Variants in MROH1 observed in about 807,000 individuals in gnomAD.
The protein encoded by MROH1 is maestro heat-like repeat-containing protein family member 1.
In MROH1, 117 loss-of-function variants were observed where a neutral mutation model predicts 116.5. The ratio of observed to expected loss-of-function variants is 1.00; its 90% confidence interval spans 0.86 to 1.17. The LOEUF (loss-of-function observed/expected upper bound fraction) is 1.17. Among genes scored for constraint, MROH1 ranks in the 50% most tolerant of loss-of-function variants. The probability of loss-of-function intolerance (pLI) is 0.00; values close to 1 mark genes in which losing one functional copy is unlikely to be tolerated. For missense variants in MROH1, 1,873 were observed against 1,338.5 expected, an observed-to-expected ratio of 1.40 and a Z score of -6.23; for synonymous variants, 921 against 583.9, an observed-to-expected ratio of 1.58 and a Z score of -8.32.
chr8:144,210,699 T>A (rs917234399), intron 12 of MROH1, among the ~76,000 whole-genome samples: 3 of 151,442 alleles, frequency 2.0e-5, no homozygotes, highest in African/African-American at 2.4e-5. Flanking sequence ...TCTCTCTCTC[T>A]CTATCTCTCT....
chr8:144,247,304 C>T lies in MROH1; in HGVS notation c.2875C>T (p.Leu959=). 1.3e-6 allele frequency: 1 copy of T among 771,364 alleles called. No individual in the cohort carries two copies. The highest frequency in any genetic ancestry group is 2.4e-6 in the Non-Finnish European group (1 of 416,816). 47.8% of individuals were successfully genotyped at this position (771,364 alleles called of 1,614,324 possible). ...YFLEHLRVSA[L]VPFHNLGLLI... ...GCCCAGGCATCTCCTCCTCCAGGCC[C>T]TGGTGCCCTTCCACAACCTGGGCCT... The change falls in exon 30 of 44, where the codon CTG becomes TTG. Residue 959 remains leucine, a synonymous_variant. Coordinates refer to ENST00000326134, the MANE Select transcript of MROH1 (RefSeq NM_032450.3).
At position 144,175,242 on chromosome 8, in the gene MROH1, G is replaced by T. The variant is rs1031239887; in HGVS notation, c.169-4213G>T. On this transcript the variant is annotated intron_variant, in intron 4 of 43. Coordinates refer to ENST00000326134, the MANE Select transcript of MROH1 (RefSeq NM_032450.3). Reference sequence around the variant, plus strand: ...CACCCAAGCTGCCCCTCCCAGCAGCGGGTCCGGTCGGATGGGTATAAATGC... The same window carrying T: ...CACCCAAGCTGCCCCTCCCAGCAGCTGGTCCGGTCGGATGGGTATAAATGC... 4.8e-6 allele frequency: 4 copies of T among 836,764 alleles called. No homozygotes were observed. The African/African-American group carries it at 7.4e-5, about 15-fold the overall frequency. 51.8% of individuals were successfully genotyped at this position (836,764 alleles called of 1,614,324 possible). A position where few individuals can be genotyped will look rare whatever the true frequency, so the allele number is the denominator to read the frequency against.
At chr8:144,261,515 A>G in intron 43 of MROH1, 140 bp from the exon 44 acceptor site, 1 of 687,954 alleles carries the variant, frequency 1.5e-6, no homozygotes, top group Non-Finnish European at 2.6e-6. Flanking sequence ...AAGAGCTTAA[A>G]AAACACTAAA....
At chr8:144,235,257 T>C (rs11996603) in intron 14 of MROH1, among the ~76,000 whole-genome samples, 9,209 of 152,284 alleles carry the variant, frequency 0.06, 962 homozygotes, top group African/African-American at 0.21. Context: ...CTTATTTTAA[T>C]AGTTTTTATT....
Position 144,161,096 on chromosome 8 carries a change from C to G in MROH1, c.-57+7C>G, listed in dbSNP as rs893709842. ...CCAAGCCAGCAGTTGTGGGGTGAGT[C>G]CTTCTCACGCTTCAAATTTCTCCTC... On this transcript the variant is annotated splice_region_variant and intron_variant, in intron 2 of 43. Coordinates refer to ENST00000326134, the MANE Select transcript of MROH1 (RefSeq NM_032450.3). 1 of 152,668 alleles carries G rather than the reference C, an allele frequency of 6.6e-6. No individual in the cohort carries two copies. Among genetic ancestry groups the G allele is most frequent in the Non-Finnish European group, 1.5e-5 (1 of 68,122 alleles). The allele number at this position is 152,668 out of a possible 1,614,324, so 9.5% of individuals were successfully genotyped here.
chr8:144,250,283 C>T lies in MROH1; in HGVS notation c.3345C>T (p.Ala1115=). 1 of 767,586 alleles carries T rather than the reference C, an allele frequency of 1.3e-6. No homozygotes were observed. The highest frequency in any genetic ancestry group is 2.4e-6 in the Non-Finnish European group (1 of 416,022). The allele number at this position is 767,586 out of a possible 1,614,324, so 47.5% of individuals were successfully genotyped here. A position where few individuals can be genotyped will look rare whatever the true frequency, so the allele number is the denominator to read the frequency against. The change falls in exon 33 of 44, where the codon GCC becomes GCT. Residue 1115 remains alanine (A), a synonymous_variant. Coordinates refer to ENST00000326134, the MANE Select transcript of MROH1 (RefSeq NM_032450.3). ...EAQGEHVLPA[A]QHSVYLLATQ... ...AGGGAGAGCACGTCCTGCCGGCCGCCCAGCACAGCGTGTACCTCCTGGCCA... is the reference window on the plus strand; with the variant it reads ...AGGGAGAGCACGTCCTGCCGGCCGCTCAGCACAGCGTGTACCTCCTGGCCA...
At chr8:144,217,530 A>G (rs780916265) in intron 12 of MROH1, among the ~76,000 whole-genome samples, 9 of 152,240 alleles carry the variant, frequency 5.9e-5, no homozygotes, top group Non-Finnish European at 1.0e-4. Context: ...CTCAGAACAC[A>G]TGGCCCATCA....
At chr8:144,259,698 C>T (rs1211565137) in intron 37 of MROH1, among the ~76,000 whole-genome samples, 3 of 152,250 alleles carry the variant, frequency 2.0e-5, no homozygotes, top group Non-Finnish European at 4.4e-5. Flanking sequence ...AAAATCTTGC[C>T]CAAGGCCGTG....
At chr8:144,247,883 G>A (rs1374106290) in intron 31 of MROH1, among the ~76,000 whole-genome samples, 1 of 152,258 alleles carries the variant, frequency 6.6e-6, no homozygotes, top group African/African-American at 2.4e-5. Flanking sequence ...CGCTGGGGCA[G>A]TGCAGTCCAT....
At chr8:144,260,862 G>T in intron 40 of MROH1, 30 bp downstream of exon 40, 1 of 777,706 alleles carries the variant, frequency 1.3e-6, no homozygotes. Context: ...GTGGGATGGG[G>T]TGGGTGGCCT....
At chr8:144,242,991 G>A (rs1466302557) in intron 24 of MROH1, among the ~76,000 whole-genome samples, 1 of 152,230 alleles carries the variant, frequency 6.6e-6, no homozygotes, top group Non-Finnish European at 1.5e-5. Flanking sequence ...TAGGAGAGGG[G>A]CCAAGGCCCA....
At chr8:144,223,854 C>T (rs1485293882) in intron 14 of MROH1, among the ~76,000 whole-genome samples, 1 of 152,214 alleles carries the variant, frequency 6.6e-6, no homozygotes, top group Admixed American at 6.5e-5. Flanking sequence ...TCAGAACAGA[C>T]ACGCCGCCCT....
chr8:144,158,000 T>TC (rs1818589979), intron 1 of MROH1, among the ~76,000 whole-genome samples: 1 of 143,064 alleles, frequency 7.0e-6, no homozygotes, highest in African/African-American at 2.6e-5. Flanking sequence ...TTTTTTTTTT[T>TC]TTTTTTTTTT....
chr8:144,218,728 C>T (rs111840859), intron 12 of MROH1, among the ~76,000 whole-genome samples: 3 of 41,026 alleles, frequency 7.3e-5, no homozygotes, highest in East Asian at 1.1e-3. Context: ...CCTCCCCTCC[C>T]CTCTTCCCTC....
chr8:144,154,452 C>G (rs996142914), intron 1 of MROH1, among the ~76,000 whole-genome samples: 7 of 152,098 alleles, frequency 4.6e-5, no homozygotes, highest in Non-Finnish European at 8.8e-5. Context: ...ATTCAAGGCA[C>G]TGACTAAACC....
intron 32 of MROH1, among the ~76,000 whole-genome samples, chr8:144,249,705 C>T (rs886551581): frequency 1.1e-4 from 17 of 152,280 alleles, no homozygotes; most frequent in South Asian, 4.1e-4. Context: ...ACTCACAGCC[C>T]CCCCCAAGTC....
chr8:144,162,866 G>A (rs777147537), intron 2 of MROH1, among the ~76,000 whole-genome samples: 4 of 151,686 alleles, frequency 2.6e-5, no homozygotes, highest in Non-Finnish European at 4.4e-5. Context: ...AGGACTAAAG[G>A]TGCCTGCCAC....
At chr8:144,221,428 C>T (rs1427853520) in intron 13 of MROH1, among the ~76,000 whole-genome samples, 2 of 152,058 alleles carry the variant, frequency 1.3e-5, no homozygotes, top group Non-Finnish European at 2.9e-5. Flanking sequence ...GTTAGGACTG[C>T]ACCCAGGTTT....
In MROH1 at chr8:144,243,498, C is replaced by G. The variant is rs1483381427; in HGVS notation, c.2357C>G (p.Pro786Arg). ...VLGIKVETKD[P>R]ALKLCLVQSV... ...TGTAGCCCTGCGTCCCTGCAGGACC[C>G]AGCCCTGAAGCTGTGCCTTGTCCAG... Residue 786 changes from proline to arginine, a missense_variant, in exon 25 of 44, where the codon CCA (proline) becomes CGA (arginine). Transcript: ENST00000326134. 1.5e-5 allele frequency: 12 copies of G among 779,504 alleles called. No homozygotes were observed. The Admixed American group carries it at 1.7e-4, about 11-fold the overall frequency. 48.3% of individuals were successfully genotyped at this position (779,504 alleles called of 1,614,324 possible).
Sources: allele counts gnomAD v4.1 joint callset (sites outside exome capture counted in the v4.1 genomes callset), GRCh38; gene constraint gnomAD v4.1.1; transcripts MANE v1.5; gene names NCBI Gene and HGNC (gene_info 2026-07-23, HGNC 2026-07-21).